Variants in TRDN observed in about 807,000 individuals in gnomAD.
TRDN encodes triadin.
TRDN carries 161 observed loss-of-function variants against 149.7 expected under a neutral mutation model. That is an observed-to-expected ratio of 1.08 (90% CI 0.95 to 1.23). The LOEUF (loss-of-function observed/expected upper bound fraction) is 1.23, where lower values mean the gene tolerates loss of function less well. TRDN is among the 50% of genes most tolerant of loss of function. The probability of loss-of-function intolerance (pLI) is 0.00; values close to 1 mark genes in which losing one functional copy is unlikely to be tolerated. For synonymous variants in TRDN, 294 were observed against 250.5 expected (o/e 1.17, Z -1.64); for missense variants, 896 against 823.5 (o/e 1.09, Z -1.08).
At chr6:123,373,775 C>T (rs1218838279) in intron 19 of TRDN, among the ~76,000 whole-genome samples, 2 of 152,072 alleles carry the variant, frequency 1.3e-5, no homozygotes, top group Non-Finnish European at 2.9e-5. Flanking sequence ...CTCATTTGAC[C>T]TCACAACTTA....
intron 12 of TRDN, among the ~76,000 whole-genome samples, chr6:123,400,072 A>T (rs955772555): frequency 4.6e-5 from 7 of 151,266 alleles, no homozygotes; most frequent in African/African-American, 1.7e-4. Flanking sequence ...GCTAGGATTG[A>T]TTCAGACTCT....
At chr6:123,360,587 G>T (rs1478877757) in intron 20 of TRDN, among the ~76,000 whole-genome samples, 1 of 152,158 alleles carries the variant, frequency 6.6e-6, no homozygotes, top group Admixed American at 6.5e-5. Flanking sequence ...AGCTTCAGTG[G>T]CATGGTAGGG....
intron 2 of TRDN, among the ~76,000 whole-genome samples, chr6:123,552,607 A>G (rs1036542221): frequency 6.6e-6 from 1 of 152,172 alleles, no homozygotes; most frequent in African/African-American, 2.4e-5. Flanking sequence ...AGAAACAGTA[A>G]TAATCATTCT....
chr6:123,232,747 G>T (rs58335036), intron 38 of TRDN, among the ~76,000 whole-genome samples: 1 of 151,900 alleles, frequency 6.6e-6, no homozygotes, highest in African/African-American at 2.4e-5. Context: ...TTGTAATTTG[G>T]GGAGAAGGCA....
intron 21 of TRDN, among the ~76,000 whole-genome samples, chr6:123,344,021 A>G (rs901694437): frequency 2.0e-5 from 3 of 152,028 alleles, no homozygotes; most frequent in Non-Finnish European, 1.5e-5. Flanking sequence ...GTCAGGATAC[A>G]AAAAGACAGC....
intron 14 of TRDN, among the ~76,000 whole-genome samples, chr6:123,386,395 A>G (rs1307102094): frequency 6.6e-6 from 1 of 152,200 alleles, no homozygotes; most frequent in Non-Finnish European, 1.5e-5. Flanking sequence ...TGTAAAATAG[A>G]GAATGACTTG....
intron 4 of TRDN, among the ~76,000 whole-genome samples, chr6:123,544,985 A>G (rs1781042495): frequency 1.3e-5 from 2 of 151,936 alleles, no homozygotes; most frequent in African/African-American, 2.4e-5. Context: ...TAAATAACAA[A>G]CTGGCTGAAT....
At chr6:123,393,506 T>TTC in intron 13 of TRDN, 118 bp downstream of exon 13, 1 of 863,530 alleles carries the variant, frequency 1.2e-6, no homozygotes. Context: ...AACAATATTT[T>TTC]TTTTGCAATA....
At chr6:123,270,294 T>C (rs959058473) in intron 30 of TRDN, among the ~76,000 whole-genome samples, 3 of 152,034 alleles carry the variant, frequency 2.0e-5, no homozygotes, top group African/African-American at 7.2e-5. Context: ...TTATGAGATT[T>C]CTTTCTTTCT....
intron 19 of TRDN, among the ~76,000 whole-genome samples, chr6:123,374,162 G>A (rs150457110): frequency 6.6e-6 from 1 of 152,266 alleles, no homozygotes; most frequent in African/African-American, 2.4e-5. Context: ...TGTTTAAGAT[G>A]ATTTGGCAAG....
chr6:123,289,016 GGT>G (rs1156862536), intron 24 of TRDN, among the ~76,000 whole-genome samples: 1,241 of 103,906 alleles, frequency 0.012, 13 homozygotes, highest in Admixed American at 0.045. Flanking sequence ...AAATGTGGGG[GGT>G]GTGTGTGTGT....
intron 9 of TRDN, chr6:123,470,807 G>A (rs1777109480): frequency 6.6e-6 from 1 of 152,206 alleles, no homozygotes; most frequent in South Asian, 2.1e-4. Context: ...TATCAGATCA[G>A]CTGGAGACTA....
intron 12 of TRDN, among the ~76,000 whole-genome samples, chr6:123,398,412 G>T (rs2114476690): frequency 6.6e-6 from 1 of 152,264 alleles, no homozygotes; most frequent in Non-Finnish European, 1.5e-5. Context: ...GCTAAAATTT[G>T]ACCCAGCATT....
chr6:123,222,789 A>G (rs1262910665), intron 39 of TRDN, among the ~76,000 whole-genome samples: 1 of 151,888 alleles, frequency 6.6e-6, no homozygotes, highest in Non-Finnish European at 1.5e-5. Context: ...GCACTTAAAC[A>G]AATTTACAAG....
intron 12 of TRDN, among the ~76,000 whole-genome samples, chr6:123,398,812 G>T (rs182521026): frequency 4.7e-4 from 72 of 152,312 alleles, no homozygotes; most frequent in Admixed American, 3.1e-3. Context: ...TTTGCAGCCA[G>T]ATATGCAAAT....
chr6:123,481,984 A>G (rs1330449146), intron 9 of TRDN, among the ~76,000 whole-genome samples: 2 of 152,198 alleles, frequency 1.3e-5, no homozygotes, highest in Non-Finnish European at 2.9e-5. Flanking sequence ...CTGTTAAACT[A>G]TTTCCATACT....
intron 33 of TRDN, among the ~76,000 whole-genome samples, chr6:123,262,615 T>A (rs1776811985): frequency 6.6e-6 from 1 of 152,108 alleles, no homozygotes; most frequent in Non-Finnish European, 1.5e-5. Flanking sequence ...TTCTCAGGTA[T>A]CACATTTTTT....
chr6:123,520,309 A>G (rs956986138), intron 5 of TRDN, among the ~76,000 whole-genome samples: 5 of 152,310 alleles, frequency 3.3e-5, no homozygotes, highest in East Asian at 1.9e-4. Flanking sequence ...TGATAGGAAT[A>G]TAAGAAGTAA....
chr6:123,548,313 T>A, intron 3 of TRDN, 141 bp downstream of exon 3: 1 of 506,256 alleles, frequency 2.0e-6, no homozygotes, highest in Non-Finnish European at 3.1e-6. Context: ...AGCCTGTTGA[T>A]ATGCTTTTAG....
Sources: allele counts gnomAD v4.1 joint callset (sites outside exome capture counted in the v4.1 genomes callset), GRCh38; gene constraint gnomAD v4.1.1; transcripts MANE v1.5; gene names NCBI Gene and HGNC (gene_info 2026-07-23, HGNC 2026-07-21).